NINL: variants seen among roughly 807,000 people sequenced by gnomAD.
NINL encodes ninein like.
A neutral mutation model predicts 160.3 loss-of-function variants in NINL; 153 were observed. That is an observed-to-expected ratio of 0.95 (90% CI 0.84 to 1.09). The LOEUF (loss-of-function observed/expected upper bound fraction) is 1.09, where lower values mean the gene tolerates loss of function less well. Ranked by LOEUF, NINL falls within the 50% of genes least tolerant of loss-of-function variation. NINL has a pLI of 0.00. For synonymous variants in NINL, 800 were observed against 734.8 expected (o/e 1.09, Z -1.43); for missense variants, 1,829 against 1,764.0 (o/e 1.04, Z -0.66).
chr20:25,563,477 C>T (rs1479528920), intron 1 of NINL, among the ~76,000 whole-genome samples: 1 of 151,820 alleles, frequency 6.6e-6, no homozygotes, highest in Non-Finnish European at 1.5e-5. Flanking sequence ...TCAAGAAATC[C>T]CAGAAAGAGA....
At chr20:25,462,580 T>G (rs2062819019) in intron 19 of NINL, 39 bp from the exon 20 acceptor site, 1 of 1,546,010 alleles carries the variant, frequency 6.5e-7, no homozygotes, top group African/African-American at 1.4e-5. Context: ...GAAAAAAATG[T>G]TTTTAATTTT....
At chr20:25,465,451 G>A (rs924216826) in intron 19 of NINL, among the ~76,000 whole-genome samples, 1 of 152,154 alleles carries the variant, frequency 6.6e-6, no homozygotes, top group African/African-American at 2.4e-5. Flanking sequence ...TGACTTCCGA[G>A]GAGGGCTTGG....
intron 1 of NINL, among the ~76,000 whole-genome samples, chr20:25,553,104 GTTTT>G (rs3036846): frequency 1.0e-5 from 1 of 100,120 alleles, no homozygotes; most frequent in Non-Finnish European, 1.9e-5. Flanking sequence ...CCCTTGTTGG[GTTTT>G]TTTTTTTTTT....
At chr20:25,577,938 T>G (rs1292204930) in intron 1 of NINL, among the ~76,000 whole-genome samples, 3 of 151,974 alleles carry the variant, frequency 2.0e-5, no homozygotes, top group African/African-American at 7.3e-5. Context: ...GTTCAAGAGA[T>G]TCTCCTGCCT....
At chr20:25,558,690 T>C (rs761719356) in intron 1 of NINL, among the ~76,000 whole-genome samples, 15 of 152,210 alleles carry the variant, frequency 9.9e-5, no homozygotes, top group Non-Finnish European at 1.6e-4. Context: ...TCTTTGCTCT[T>C]ACATTTTAAA....
At chr20:25,535,673 T>C (rs750806250) in intron 1 of NINL, among the ~76,000 whole-genome samples, 1 of 152,086 alleles carries the variant, frequency 6.6e-6, no homozygotes, top group Non-Finnish European at 1.5e-5. Context: ...TTTACCACCA[T>C]TAAATTTAAG....
chr20:25,561,253 G>A (rs2147132747), intron 1 of NINL, among the ~76,000 whole-genome samples: 1 of 152,276 alleles, frequency 6.6e-6, no homozygotes, highest in Non-Finnish European at 1.5e-5. Context: ...TGGCCGGGCT[G>A]GTCTCCAGCT....
intron 18 of NINL, among the ~76,000 whole-genome samples, 199 bp downstream of exon 18, chr20:25,469,792 G>A (rs1010230970): frequency 5.3e-5 from 8 of 152,178 alleles, no homozygotes; most frequent in African/African-American, 1.2e-4. Context: ...TTCAGGTGCC[G>A]CCCACACGAG....
chr20:25,458,755 T>G, intron 21 of NINL: 1 of 511,448 alleles, frequency 2.0e-6, no homozygotes, highest in Non-Finnish European at 3.4e-6. Flanking sequence ...AGAAAACATG[T>G]CCATCACCCT....
chr20:25,459,632 C>T (rs2090787582), intron 21 of NINL, among the ~76,000 whole-genome samples: 2 of 152,146 alleles, frequency 1.3e-5, no homozygotes, highest in South Asian at 2.1e-4. Flanking sequence ...GGCTCTGGCC[C>T]GGCACCCCAA....
chr20:25,524,947 A>AT (rs2064331505), intron 2 of NINL, among the ~76,000 whole-genome samples: 2 of 149,356 alleles, frequency 1.3e-5, no homozygotes, highest in African/African-American at 4.9e-5. Context: ...ATATATATAT[A>AT]AATAAATAAA....
In NINL at chr20:25,489,858, T is replaced by C; in HGVS notation, c.1596+17A>G. On this transcript the variant is annotated intron_variant, in intron 12 of 23. Transcript: ENST00000278886. ...GGCCCTCCCCTCTGGAGGCAGACTGTCAGCAAAGGGACTCGCCTTGTCCTT... is the reference window on the plus strand; with the variant it reads ...GGCCCTCCCCTCTGGAGGCAGACTGCCAGCAAAGGGACTCGCCTTGTCCTT... The C allele has an allele frequency of 6.2e-7, 1 of 1,611,798 alleles. No individual in the cohort carries two copies. The highest frequency in any genetic ancestry group is 8.5e-7 in the Non-Finnish European group (1 of 1,177,954).
At chr20:25,584,891 C>CA (rs1187284967) in intron 1 of NINL, among the ~76,000 whole-genome samples, 1 of 152,264 alleles carries the variant, frequency 6.6e-6, no homozygotes, top group Non-Finnish European at 1.5e-5. Flanking sequence ...GGCGAATCTG[C>CA]AAAACGAGTA....
intron 1 of NINL, among the ~76,000 whole-genome samples, chr20:25,562,237 G>A (rs768818593): frequency 3.8e-4 from 45 of 119,290 alleles, no homozygotes; most frequent in African/African-American, 4.8e-4. Context: ...CTGCCCGGCC[G>A]CCCCTACTGG....
chr20:25,524,292 T>G lies in NINL; in HGVS notation c.180+2116A>C, dbSNP rs2064314641. ...CACCAGCAGGGTGCTCTCGAAATGT[T>G]ACAGAGAGAAGAGAAAGGATAACGT... On this transcript the variant is annotated intron_variant, in intron 2 of 23. Transcript: ENST00000278886. Among the ~76,000 whole-genome samples, 4 of 152,300 alleles carry G rather than the reference T, an allele frequency of 2.6e-5. No individual in the cohort carries two copies. The South Asian group carries it at 8.3e-4, about 32-fold the overall frequency.
At chr20:25,549,439 C>T (rs2064780743) in intron 1 of NINL, among the ~76,000 whole-genome samples, 1 of 152,246 alleles carries the variant, frequency 6.6e-6, no homozygotes, top group Admixed American at 6.5e-5. Flanking sequence ...AGCTCCCACA[C>T]CCAGCCTCAT....
At chr20:25,578,793 CAAAAA>C (rs11344577) in intron 1 of NINL, among the ~76,000 whole-genome samples, 2 of 74,098 alleles carry the variant, frequency 2.7e-5, no homozygotes, top group Admixed American at 1.5e-4. Context: ...ACTCCATCTC[CAAAAA>C]AAAAAAAAAA....
At chr20:25,582,465 G>A (rs759668088) in intron 1 of NINL, among the ~76,000 whole-genome samples, 3 of 152,018 alleles carry the variant, frequency 2.0e-5, no homozygotes, top group South Asian at 4.2e-4. Context: ...CAAGACTCCC[G>A]GCTCTACATT....
chr20:25,457,529 T>C (rs1281417128), intron 22 of NINL, among the ~76,000 whole-genome samples: 1 of 152,240 alleles, frequency 6.6e-6, no homozygotes. Context: ...TTGTCAATAA[T>C]GTAGCATCAC....
Sources: allele counts gnomAD v4.1 joint callset (sites outside exome capture counted in the v4.1 genomes callset), GRCh38; gene constraint gnomAD v4.1.1; transcripts MANE v1.5; gene names NCBI Gene and HGNC (gene_info 2026-07-23, HGNC 2026-07-21).